DCAF5: variants seen among roughly 807,000 people sequenced by gnomAD.
DCAF5 encodes the protein DDB1 and CUL4 associated factor 5, also known as DDB1- and CUL4-associated factor 5.
Under a neutral mutation model 80.7 loss-of-function variants are expected in DCAF5, and 9 were observed. That is an observed-to-expected ratio of 0.11 (90% confidence interval 0.07 to 0.19). The LOEUF is 0.19. Among genes scored for constraint, DCAF5 ranks in the 10% least tolerant of loss-of-function variants. The pLI is 1.00. For synonymous variants in DCAF5, 433 were observed against 461.9 expected (o/e 0.94, Z 0.80); for missense variants, 842 against 1,205.7 (o/e 0.70, Z 4.47).
At chr14:69,098,893 CAAAAAAA>C (rs57089112) in intron 5 of DCAF5, among the ~76,000 whole-genome samples, 2 of 59,584 alleles carry the variant, frequency 3.4e-5, no homozygotes, top group East Asian at 3.4e-4. Flanking sequence ...ACTCTGTCTC[CAAAAAAA>C]AAAAAAAAAA....
chr14:69,055,646 G>A lies in DCAF5; in HGVS notation c.1075-35C>T, dbSNP rs994660677. On this transcript the variant is annotated intron_variant, in intron 8 of 8. Transcript: ENST00000341516. The surrounding 1 kb of genome is among the most constrained non-coding windows in gnomAD (Gnocchi z 5.6). ...AAATGAAAAACAAAAGCAACAAGGA[G>A]TAACTGGAAAGTATTCTTTCACTGG... The A allele has an allele frequency of 3.2e-6, 5 of 1,561,252 alleles. No homozygotes were observed. Among genetic ancestry groups the A allele is most frequent in the Admixed American group, 1.8e-5 (1 of 55,698 alleles).
At chr14:69,076,736 G>A (rs1323279088) in intron 6 of DCAF5, among the ~76,000 whole-genome samples, 2 of 152,192 alleles carry the variant, frequency 1.3e-5, no homozygotes, top group Non-Finnish European at 2.9e-5. Flanking sequence ...TGTACTTAAT[G>A]CCACTGAACT....
At chr14:69,084,324 T>C in intron 6 of DCAF5, 3 of 955,794 alleles carry the variant, frequency 3.1e-6, no homozygotes, top group Non-Finnish European at 5.1e-6. Context: ...CTGGACCATA[T>C]GCAGAATATC....
intron 5 of DCAF5, among the ~76,000 whole-genome samples, chr14:69,109,325 CA>C (rs2040272100): frequency 7.1e-6 from 1 of 140,432 alleles, no homozygotes; most frequent in South Asian, 2.2e-4. Context: ...GGAGACAGAG[CA>C]AAACTCTGCC....
At chr14:69,079,793 G>C (rs1172569605) in intron 6 of DCAF5, among the ~76,000 whole-genome samples, 1 of 151,962 alleles carries the variant, frequency 6.6e-6, no homozygotes, top group Non-Finnish European at 1.5e-5. Flanking sequence ...AAATATTACA[G>C]ACATATATAA....
chr14:69,091,187 T>C (rs894108820), intron 6 of DCAF5: 4 of 710,042 alleles, frequency 5.6e-6, no homozygotes, highest in Non-Finnish European at 1.0e-5. Context: ...AGTCAGCATC[T>C]GGCTCCCTCT....
chr14:69,115,129 AC>A (rs2040501544), intron 5 of DCAF5, among the ~76,000 whole-genome samples: 2 of 152,218 alleles, frequency 1.3e-5, no homozygotes, highest in Non-Finnish European at 2.9e-5. Context: ...GCAGATGAAC[AC>A]AGTTGTCTTC....
At chr14:69,126,309 C>T (rs759975931) in intron 1 of DCAF5, among the ~76,000 whole-genome samples, 3 of 151,970 alleles carry the variant, frequency 2.0e-5, no homozygotes, top group Non-Finnish European at 4.4e-5. Flanking sequence ...AGACACCCAC[C>T]ACCACGCCCA....
chr14:69,135,441 C>T (rs924627609), intron 1 of DCAF5, among the ~76,000 whole-genome samples: 5 of 152,180 alleles, frequency 3.3e-5, no homozygotes, highest in African/African-American at 1.2e-4. Context: ...ACACATAAAA[C>T]ACTTCTGCTG....
chr14:69,134,907 A>T (rs191221902), intron 1 of DCAF5, among the ~76,000 whole-genome samples: 53 of 152,322 alleles, frequency 3.5e-4, no homozygotes, highest in African/African-American at 1.1e-3. Flanking sequence ...AATATAAAAA[A>T]TATTCACACC....
chr14:69,149,079 G>A (rs752835965), intron 1 of DCAF5, among the ~76,000 whole-genome samples: 8 of 152,230 alleles, frequency 5.3e-5, no homozygotes, highest in Non-Finnish European at 8.8e-5. Flanking sequence ...AACAAACTCA[G>A]TATTTTCTCT....
intron 8 of DCAF5, among the ~76,000 whole-genome samples, chr14:69,056,406 G>A (rs948714389): frequency 5.3e-5 from 8 of 152,176 alleles, no homozygotes; most frequent in Admixed American, 3.3e-4. Flanking sequence ...TAGCTAAAAG[G>A]CAGCAGAGCT....
intron 2 of DCAF5, among the ~76,000 whole-genome samples, chr14:69,121,723 T>C (rs1270770694): frequency 1.3e-5 from 2 of 152,198 alleles, no homozygotes; most frequent in African/African-American, 4.8e-5. Flanking sequence ...GTATGGTTGA[T>C]GGAAGCCATC....
chr14:69,121,037 G>A (rs886869419), intron 2 of DCAF5, among the ~76,000 whole-genome samples: 1 of 152,146 alleles, frequency 6.6e-6, no homozygotes, highest in Non-Finnish European at 1.5e-5. Flanking sequence ...CAATTAAGGT[G>A]GAAGAACACC....
intron 1 of DCAF5, among the ~76,000 whole-genome samples, chr14:69,123,700 CTTTT>C (rs923986061): frequency 6.6e-6 from 1 of 151,266 alleles, no homozygotes; most frequent in African/African-American, 2.4e-5. Flanking sequence ...AGTCACTGTT[CTTTT>C]TTTTTGAGAC....
chr14:69,077,615 G>T (rs201302750), intron 6 of DCAF5, among the ~76,000 whole-genome samples: 6 of 151,572 alleles, frequency 4.0e-5, no homozygotes, highest in Admixed American at 6.6e-5. Context: ...TGGGCTCAAG[G>T]GATCCTCCTG....
Position 69,152,728 on chromosome 14 carries a change from G to C in DCAF5, c.214+37C>G. 1 of 1,536,582 alleles carries C rather than the reference G, an allele frequency of 6.5e-7. No homozygotes were observed. The highest frequency in any genetic ancestry group is 8.9e-7 in the Non-Finnish European group (1 of 1,128,382). On this transcript the variant is annotated intron_variant, in intron 1 of 8. Coordinates refer to ENST00000341516, the MANE Select transcript of DCAF5 (RefSeq NM_003861.3). This position sits in a 1 kb window ranked among gnomAD's most constrained non-coding sequence, Gnocchi z 4.1. Reference sequence around the variant, plus strand: ...AGCGAGAGGGGGAGGCTGGGAGGGTGCGGGGAGGCGCGGGGAGGGGAAGGG... The same window carrying C: ...AGCGAGAGGGGGAGGCTGGGAGGGTCCGGGGAGGCGCGGGGAGGGGAAGGG...
intron 3 of DCAF5, 122 bp downstream of exon 3, chr14:69,119,072 G>A (rs1040961805): frequency 1.1e-6 from 1 of 892,052 alleles, no homozygotes; most frequent in East Asian, 2.8e-5. Flanking sequence ...TTTTAGAAAA[G>A]AACAGCTGGT....
In DCAF5 at chr14:69,055,551, C is replaced by A; in HGVS notation, c.1135G>T (p.Asp379Tyr). 1 of 1,612,508 alleles carries A rather than the reference C, an allele frequency of 6.2e-7. No individual in the cohort carries two copies. The highest frequency in any genetic ancestry group is 1.1e-5 in the South Asian group (1 of 91,072). Residue 379 changes from aspartate (D) to tyrosine (Y), a missense_variant, in exon 9 of 9, where the codon GAT becomes TAT. This residue lies in a region of DCAF5 where 65 missense variants were observed against 191.3 expected (regional missense o/e 0.34). Transcript: ENST00000341516. The surrounding 1 kb of genome is among the most constrained non-coding windows in gnomAD (Gnocchi z 5.6). Reference protein sequence around the residue: ...TGDLDGRIEDDSRCLYTHEEY... With the variant: ...TGDLDGRIEDYSRCLYTHEEY... ...TCATGGGTATAGAGGCAGCGGGAAT[C>A]GTCCTCAATCCGACCGTCGAGGTCT...
Sources: allele counts gnomAD v4.1 joint callset (sites outside exome capture counted in the v4.1 genomes callset), GRCh38; gene constraint gnomAD v4.1.1; regional missense constraint gnomAD v4.1.1; non-coding constraint Gnocchi (gnomAD v3.1); transcripts MANE v1.5; gene names NCBI Gene and HGNC (gene_info 2026-07-23, HGNC 2026-07-21).